Variants in SNRNP70 observed in about 807,000 individuals in gnomAD.
SNRNP70 encodes U1 small nuclear ribonucleoprotein 70 kDa.
SNRNP70 carries 8 observed loss-of-function variants against 50.5 expected under a neutral mutation model. That is an observed-to-expected ratio of 0.16 (90% CI 0.09 to 0.29). The LOEUF (loss-of-function observed/expected upper bound fraction) is 0.29. SNRNP70 is among the 10% of genes least tolerant of loss of function. The probability of loss-of-function intolerance (pLI) is 1.00; values close to 1 mark genes in which losing one functional copy is unlikely to be tolerated. For missense variants in SNRNP70, 529 were observed against 663.5 expected (o/e 0.80, Z 2.23); for synonymous variants, 320 against 252.9 (o/e 1.27, Z -2.52).
chr19:49,096,856 G>A (rs915514340), intron 4 of SNRNP70, among the ~76,000 whole-genome samples: 16 of 151,668 alleles, frequency 1.1e-4, no homozygotes, highest in Non-Finnish European at 1.6e-4. Context: ...CTGGCGGGAC[G>A]CGGTGGTTCA....
chr19:49,090,693 T>A (rs767294566), intron 4 of SNRNP70, 173 bp downstream of exon 4: 3 of 648,872 alleles, frequency 4.6e-6, no homozygotes, highest in Non-Finnish European at 5.5e-6. Context: ...GTTTAGGCTT[T>A]TCAGCAGCAG....
chr19:49,100,696 C>T (rs1262099824), intron 6 of SNRNP70, among the ~76,000 whole-genome samples: 1 of 151,294 alleles, frequency 6.6e-6, no homozygotes, highest in Non-Finnish European at 1.5e-5. Context: ...ATCCCAGCTA[C>T]TTGGGAGGCT....
At chr19:49,101,710 C>T (rs1375952733) in intron 7 of SNRNP70, 2 of 519,126 alleles carry the variant, frequency 3.9e-6, no homozygotes, top group Non-Finnish European at 7.0e-6. Context: ...AAGTGTCACA[C>T]GTTGAACCTC....
At position 49,107,129 on chromosome 19, in the gene SNRNP70, C is replaced by T. The variant is rs1474410845; in HGVS notation, c.578-496C>T. On this transcript the variant is annotated intron_variant, in intron 8 of 9. Coordinates refer to ENST00000598441, the MANE Select transcript of SNRNP70 (RefSeq NM_003089.6). This position sits in a 1 kb window ranked among gnomAD's most constrained non-coding sequence, Gnocchi z 6.0. ...ACTGGCAGGAAGGTGAGCGTGGGGACACTGGGAAAGGCCTGGGACACGCAG... is the reference window on the plus strand; with the variant it reads ...ACTGGCAGGAAGGTGAGCGTGGGGATACTGGGAAAGGCCTGGGACACGCAG... Among the ~76,000 whole-genome samples the T allele has an allele frequency of 3.3e-5, 5 of 152,138 alleles. No individual in the cohort carries two copies. The highest frequency in any genetic ancestry group is 7.4e-5 in the Non-Finnish European group (5 of 68,008).
chr19:49,086,033 C>G (rs1329966498), intron 1 of SNRNP70, among the ~76,000 whole-genome samples: 1 of 152,180 alleles, frequency 6.6e-6, no homozygotes, highest in East Asian at 1.9e-4. Flanking sequence ...AACTGCATCT[C>G]GTAATTTGCC....
intron 7 of SNRNP70, chr19:49,102,921 C>G (rs545409088): frequency 6.5e-6 from 1 of 152,828 alleles, no homozygotes; most frequent in African/African-American, 2.4e-5. Context: ...GTTTGGGACT[C>G]TGAACCCGAG....
chr19:49,086,347 A>G (rs1165137998), intron 1 of SNRNP70, 58 bp from the exon 2 acceptor site: 5 of 1,517,716 alleles, frequency 3.3e-6, no homozygotes, highest in Non-Finnish European at 4.4e-6. Context: ...AAGGAGTAAC[A>G]GGGGCTTTCT....
At chr19:49,099,938 A>G (rs2040561540) in intron 6 of SNRNP70, among the ~76,000 whole-genome samples, 1 of 149,124 alleles carries the variant, frequency 6.7e-6, no homozygotes, top group Non-Finnish European at 1.5e-5. Context: ...GTGTATGTGC[A>G]TGTGTATATA....
intron 4 of SNRNP70, among the ~76,000 whole-genome samples, chr19:49,096,850 C>T (rs989748796): frequency 3.2e-4 from 48 of 151,788 alleles, no homozygotes; most frequent in African/African-American, 1.1e-3. Context: ...ACAAATCTGG[C>T]GGGACGCGGT....
chr19:49,087,905 CATTT>C (rs1169143175), intron 2 of SNRNP70: 5 of 152,050 alleles, frequency 3.3e-5, no homozygotes, highest in African/African-American at 9.7e-5. Context: ...TGCCAGTTAC[CATTT>C]ATTTATTTAT....
At chr19:49,092,055 C>A (rs546209534) in intron 4 of SNRNP70, among the ~76,000 whole-genome samples, 10 of 152,288 alleles carry the variant, frequency 6.6e-5, no homozygotes, top group African/African-American at 2.2e-4. Flanking sequence ...TCACCTCTTG[C>A]CTAGACAACA....
In SNRNP70 at chr19:49,108,448, G is replaced by A; in HGVS notation, c.*5G>A. The A allele has an allele frequency of 1.3e-6, 2 of 1,590,636 alleles. No individual in the cohort carries two copies. Among genetic ancestry groups the A allele is most frequent in the Middle Eastern group, 3.3e-4 (2 of 5,992 alleles). On this transcript the variant is annotated 3_prime_UTR_variant, in exon 10 of 10. Transcript: ENST00000598441. ...ATGGAGGCTGCGCCGGAGTGAAGAG[G>A]TCGTCCTCTCCATCTGCTGTGTTTG...
chr19:49,104,700 G>A lies in SNRNP70; in HGVS notation c.542G>A (p.Gly181Asp), dbSNP rs772494220. Residue 181 changes from glycine to aspartate, a missense_variant, in exon 8 of 10, where the codon GGC (glycine) becomes GAC (aspartate). Gly to Asp is a moderately conservative substitution (Grantham distance 94). Coordinates refer to ENST00000598441, the MANE Select transcript of SNRNP70 (RefSeq NM_003089.6). The surrounding 1 kb of genome is among the most constrained non-coding windows in gnomAD (Gnocchi z 5.4). ...AGGGTCCTTGTGGACGTGGAGAGGG[G>A]CCGAACCGTGAAGGGCTGGAGGCCC... ...GRRVLVDVER[G>D]RTVKGWRPRR... is the part of the protein sequence containing the mutation. 1 of 1,559,220 alleles carries A rather than the reference G, an allele frequency of 6.4e-7. No homozygotes were observed. Among genetic ancestry groups the A allele is most frequent in the Non-Finnish European group, 8.7e-7 (1 of 1,151,400 alleles).
chr19:49,089,374 A>C (rs941645355), intron 2 of SNRNP70, among the ~76,000 whole-genome samples: 16 of 151,882 alleles, frequency 1.1e-4, no homozygotes, highest in African/African-American at 3.1e-4. Context: ...CACAGGGGGG[A>C]AAGCAGGGCT....
chr19:49,093,688 A>AC (rs1337196074), intron 4 of SNRNP70, among the ~76,000 whole-genome samples: 2 of 142,358 alleles, frequency 1.4e-5, no homozygotes, highest in Non-Finnish European at 1.6e-5. Context: ...CAAAAAAAAA[A>AC]AAAACAAAAA....
intron 1 of SNRNP70, 116 bp from the exon 2 acceptor site, chr19:49,086,289 C>T (rs913832132): frequency 1.9e-5 from 23 of 1,192,816 alleles, no homozygotes; most frequent in Non-Finnish European, 2.2e-5. Flanking sequence ...CTTACAGAGC[C>T]TGTTTTAATT....
intron 6 of SNRNP70, among the ~76,000 whole-genome samples, chr19:49,100,807 A>C (rs1405115876): frequency 1.5e-4 from 3 of 20,432 alleles, no homozygotes; most frequent in Non-Finnish European, 1.3e-4. Context: ...CTCTGTCTCC[A>C]AAAAAAAAAA....
chr19:49,086,484 C>T lies in SNRNP70; in HGVS notation c.70C>T (p.Pro24Ser). The T allele has an allele frequency of 6.2e-7, 1 of 1,614,112 alleles. No individual in the cohort carries two copies. Among genetic ancestry groups the T allele is most frequent in the Non-Finnish European group, 8.5e-7 (1 of 1,180,012 alleles). The part of the protein sequence containing the change: ...APRDPIPYLP[P>S]LEKLPHEKHH... ...CCGTGACCCTATTCCATACCTGCCA[C>T]CCCTGGAGAAACTGCCACATGAAAA... The change falls in exon 2 of 10, where the codon CCC becomes TCC. Residue 24 changes from proline to serine, a missense_variant. This residue lies in a region of SNRNP70 where 149 missense variants were observed against 259.7 expected (regional missense o/e 0.57). Coordinates refer to ENST00000598441, the MANE Select transcript of SNRNP70 (RefSeq NM_003089.6).
chr19:49,093,384 C>T (rs1275945021), intron 4 of SNRNP70, among the ~76,000 whole-genome samples: 1 of 152,110 alleles, frequency 6.6e-6, no homozygotes, highest in African/African-American at 2.4e-5. Flanking sequence ...CCACACCCGG[C>T]CAGAAATGCT....
Sources: allele counts gnomAD v4.1 joint callset (sites outside exome capture counted in the v4.1 genomes callset), GRCh38; gene constraint gnomAD v4.1.1; regional missense constraint gnomAD v4.1.1; non-coding constraint Gnocchi (gnomAD v3.1); transcripts MANE v1.5; gene names NCBI Gene and HGNC (gene_info 2026-07-23, HGNC 2026-07-21).